HR: variants seen among roughly 807,000 people sequenced by gnomAD.
HR encodes the protein lysine-specific demethylase hairless.
A neutral mutation model predicts 128.6 loss-of-function variants in HR; 83 were observed. The observed-to-expected ratio is 0.65, with a 90% CI of 0.54 to 0.77. The LOEUF (loss-of-function observed/expected upper bound fraction) is 0.77. Ranked by LOEUF, HR falls within the 30% of genes least tolerant of loss-of-function variation. The pLI is 0.00. For missense variants in HR, 1,490 were observed against 1,574.6 expected (o/e 0.95, Z 0.91); for synonymous variants, 681 against 658.2 (o/e 1.03, Z -0.53).
Position 22,127,830 on chromosome 8 carries a change from C to A in HR, c.613-1G>T. The A allele has an allele frequency of 3.1e-6, 5 of 1,598,530 alleles. No homozygotes were observed. The highest frequency in any genetic ancestry group is 4.2e-6 in the Non-Finnish European group (5 of 1,179,952). ...TGCTCGGATCCTTGTAGTAAAAGCC[C>A]TAAAGAGGGGAGAAAGTGTTACGCT... On this transcript the variant is annotated splice_acceptor_variant, in intron 2 of 18. Transcript: ENST00000381418. LOFTEE classifies it high-confidence loss of function.
Position 22,121,674 on chromosome 8 carries a change from C to T in HR, c.2142G>A (p.Thr714=), listed in dbSNP as rs561991469. 16 of 1,614,112 alleles carry T rather than the reference C, an allele frequency of 9.9e-6. No homozygotes were observed. The highest frequency in any genetic ancestry group is 6.7e-5 in the African/African-American group (5 of 75,018). Residue 714 remains threonine (T), a synonymous_variant, in exon 9 of 19, where the codon ACG becomes ACA. Transcript: ENST00000381418. ...AGQQKESTQK[T]PPTPQPSCNG... is the part of the protein sequence containing the mutation. ...TGCAGGAAGGTTGTGGAGTTGGGGG[C>T]GTTTTCTGTGTTGATTCCTTCTGTT...
rs1242219642 is a variant in HR, at chr8:22,115,720, T to C, written c.3550A>G (p.Thr1184Ala). Residue 1184 changes from threonine to alanine, a missense_variant, in exon 19 of 19, where the codon ACA becomes GCA. By Grantham distance (58) the Thr-to-Ala change is moderately conservative. Coordinates refer to ENST00000381418, the MANE Select transcript of HR (RefSeq NM_005144.5). ...TCCCTCTATTTGGCCTCCTGTAATG[T>C]CCCCACGGCCACCTTCACTGCTTGG... ...VFQAVKVAVG[T>A]LQEAK 6.2e-7 allele frequency: 1 copy of C among 1,613,778 alleles called. No individual in the cohort carries two copies. The highest frequency in any genetic ancestry group is 8.5e-7 in the Non-Finnish European group (1 of 1,179,962).
rs980738121 is a variant in HR at position 22,130,820 on chromosome 8, C to G, written c.-433G>C. ...GCCGGGGGGAACACGCGCCCCGGGT[C>G]GGAGATGGCCGAGTTGGGGGAAAGG... On this transcript the variant is annotated 5_prime_UTR_variant, in exon 1 of 19. Transcript: ENST00000381418. 6.6e-6 allele frequency: 1 copy of G among 151,850 alleles called. No homozygotes were observed. Among genetic ancestry groups the G allele is most frequent in the Non-Finnish European group, 1.5e-5 (1 of 67,976 alleles). 9.4% of individuals were successfully genotyped at this position (151,850 alleles called of 1,614,324 possible).
intron 6 of HR, 32 bp downstream of exon 6, chr8:22,123,617 T>TGGGCCCCCCCCC: frequency 3.4e-6 from 1 of 292,092 alleles, no homozygotes; most frequent in Non-Finnish European, 6.2e-6. Context: ...GAGGGCTCCA[T>TGGGCCCCCCCCC]CCCGCCCTCC....
intron 3 of HR, among the ~76,000 whole-genome samples, chr8:22,126,002 C>G (rs928537393): frequency 6.6e-6 from 1 of 152,186 alleles, no homozygotes; most frequent in Non-Finnish European, 1.5e-5. Context: ...CTTTGGGCAG[C>G]TGGGGCGATC....
At position 22,115,618 on chromosome 8, in the gene HR, C is replaced by G; in HGVS notation, c.*82G>C. ...GACCAGAAATCCCCAAGTCCCCTAG[C>G]GCCATCCCCTGCTGAAGTTGTGCCT... On this transcript the variant is annotated 3_prime_UTR_variant, in exon 19 of 19. Coordinates refer to ENST00000381418, the MANE Select transcript of HR (RefSeq NM_005144.5). 8.2e-7 allele frequency: 1 copy of G among 1,226,804 alleles called. No individual in the cohort carries two copies. The allele number at this position is 1,226,804 out of a possible 1,614,324, so 76.0% of individuals were successfully genotyped here.
intron 5 of HR, among the ~76,000 whole-genome samples, chr8:22,124,221 TC>T (rs1258783697): frequency 6.6e-6 from 1 of 152,188 alleles, no homozygotes; most frequent in African/African-American, 2.4e-5. Flanking sequence ...TGCCATTTCC[TC>T]CAGGAGACTT....
rs1216407556 is a variant in HR, at chr8:22,117,005, C to T, written c.3248G>A (p.Gly1083Asp). The change falls in exon 17 of 19, where the codon GGC becomes GAC. Residue 1083 changes from glycine to aspartate, a missense_variant. Gly to Asp is a moderately conservative substitution (Grantham distance 94). Around this residue, in one of 3 missense-constraint regions of HR, gnomAD observed 423 missense variants for 495.9 expected, o/e 0.85. Transcript: ENST00000381418. ...ATCCAGGTAGCAGCTGCCTGGGGCG[C>T]CAGGCTCCAGGGCGCCTGCCCCGGC... The part of the protein sequence containing the change: ...CPAGAGALEP[G>D]APGSCYLDAG... 5.2e-6 allele frequency: 8 copies of T among 1,524,170 alleles called. No individual in the cohort carries two copies. The highest frequency in any genetic ancestry group is 5.3e-6 in the Non-Finnish European group (6 of 1,139,258). The allele number at this position is 1,524,170 out of a possible 1,614,324, so 94.4% of individuals were successfully genotyped here. A position where few individuals can be genotyped will look rare whatever the true frequency, so the allele number is the denominator to read the frequency against.
At chr8:22,124,200 C>A (rs188514367) in intron 5 of HR, among the ~76,000 whole-genome samples, 58 of 152,344 alleles carry the variant, frequency 3.8e-4, no homozygotes, top group Non-Finnish European at 7.3e-4. Flanking sequence ...GAAGTGGTAA[C>A]CATGCTCAGG....
rs751139589 is a variant in HR at position 22,128,637 on chromosome 8, G to C, written c.534C>G (p.Asp178Glu). 3 of 1,598,550 alleles carry C rather than the reference G, an allele frequency of 1.9e-6. No individual in the cohort carries two copies. The highest frequency in any genetic ancestry group is 4.5e-5 in the East Asian group (2 of 44,440). Reference sequence around the variant, plus strand: ...CCCAGGGGTGCGGGGTCAGGGGCCAGTCACATGGATGCTCTGGGGGCAGGC... The same window carrying C: ...CCCAGGGGTGCGGGGTCAGGGGCCACTCACATGGATGCTCTGGGGGCAGGC... ...VSGLPPEHPC[D>E]WPLTPHPWVY... Residue 178 changes from aspartate to glutamate, a missense_variant, in exon 2 of 19, where the codon GAC (aspartate) becomes GAG (glutamate). Physicochemically the swap from Asp to Glu is conservative, Grantham distance 45 (BLOSUM62 2). This residue lies in a region of HR where 1,060 missense variants were observed against 1,060.9 expected (regional missense o/e 1.00). Transcript: ENST00000381418.
Position 22,116,183 on chromosome 8 carries a change from A to G in HR, c.3507+117T>C. On this transcript the variant is annotated intron_variant, in intron 18 of 18. Transcript: ENST00000381418. This position sits in a 1 kb window ranked among gnomAD's most constrained non-coding sequence, Gnocchi z 4.2. ...AACAAAAGGAATACTCTGCCCCTGC[A>G]CAGGGTGGCTGCCTGCTTGGCACAG... The G allele has an allele frequency of 7.0e-7, 1 of 1,424,686 alleles. No homozygotes were observed. Among genetic ancestry groups the G allele is most frequent in the Non-Finnish European group, 9.8e-7 (1 of 1,017,258 alleles). 88.3% of individuals were successfully genotyped at this position (1,424,686 alleles called of 1,614,324 possible).
At chr8:22,126,821 A>C (rs1019699992) in intron 3 of HR, among the ~76,000 whole-genome samples, 1 of 152,108 alleles carries the variant, frequency 6.6e-6, no homozygotes, top group African/African-American at 2.4e-5. Flanking sequence ...CCACCAACAC[A>C]CCAGGGCTTG....
Position 22,127,338 on chromosome 8 carries a change from G to A in HR, c.1104C>T (p.Pro368=). ...PSEEVNKASG[P]RACPPSHHTK... is the part of the protein sequence containing the mutation. ...TGTGGTGGCTGGGGGGACAGGCCCT[G>A]GGGCCAGAGGCCTTGTTCACTTCCT... The change falls in exon 3 of 19, where the codon CCC becomes CCT. Residue 368 remains proline (P), a synonymous_variant. Coordinates refer to ENST00000381418, the MANE Select transcript of HR (RefSeq NM_005144.5). 6.2e-7 allele frequency: 1 copy of A among 1,613,370 alleles called. No homozygotes were observed. The highest frequency in any genetic ancestry group is 8.5e-7 in the Non-Finnish European group (1 of 1,180,044).
Position 22,129,201 on chromosome 8 carries a change from AG to A in HR, c.-32del, listed in dbSNP as rs747745245. ...TCCTGCCCTCATGGGGCTCTCCCAG[AG>A]GGGGGTCCCTGGAGCATAACCATCA... On this transcript the variant is annotated 5_prime_UTR_variant, in exon 2 of 19. Coordinates refer to ENST00000381418, the MANE Select transcript of HR (RefSeq NM_005144.5). The A allele has an allele frequency of 2.5e-5, 38 of 1,517,310 alleles. No individual in the cohort carries two copies. The South Asian group carries it at 4.1e-4, about 17-fold the overall frequency. The allele number at this position is 1,517,310 out of a possible 1,614,324, so 94.0% of individuals were successfully genotyped here. A position where few individuals can be genotyped will look rare whatever the true frequency, so the allele number is the denominator to read the frequency against.
Position 22,120,363 on chromosome 8 carries a change from C to A in HR, c.2755G>T (p.Glu919Ter). 6.2e-7 allele frequency: 1 copy of A among 1,613,876 alleles called. No homozygotes were observed. The highest frequency in any genetic ancestry group is 8.5e-7 in the Non-Finnish European group (1 of 1,180,018). ...TTACGCTCAGGCCAGGAGAAGCCCT[C>A]CCAGAATGTTGTGCTGCCCAGGCTG... ...PSSLGSTTFWEGFSWPELRPK... is the reference protein window; with the variant it reads ...PSSLGSTTFW Residue 919 changes from glutamate to a stop codon, truncating the protein, a stop_gained, in exon 12 of 19, where the codon GAG (glutamate) becomes TAG (stop). Transcript: ENST00000381418. LOFTEE classifies it high-confidence loss of function.
rs770038127 is a variant in HR, at chr8:22,125,316, C to T, written c.1745G>A (p.Arg582Gln). 13 of 1,573,182 alleles carry T rather than the reference C, an allele frequency of 8.3e-6. No individual in the cohort carries two copies. The highest frequency in any genetic ancestry group is 1.1e-5 in the Non-Finnish European group (13 of 1,159,974). The change falls in exon 5 of 19, where the codon CGG becomes CAG. Residue 582 changes from arginine to glutamine, a missense_variant. Arg to Gln is a conservative substitution (Grantham distance 43). Around this residue, in one of 3 missense-constraint regions of HR, gnomAD observed 1,060 missense variants for 1,060.9 expected, o/e 1.00. Transcript: ENST00000381418. ...REREALAWAQ[R>Q]EGQGPAVTED... ...ACCCAGGAGGTCCTGTTCACCTTCC[C>T]GCTGGGCCCAAGCCAGGGCCTCCCG...
At chr8:22,121,840 A>G (rs112711228) in intron 8 of HR, 146 bp from the exon 9 acceptor site, 7 of 812,818 alleles carry the variant, frequency 8.6e-6, no homozygotes, top group African/African-American at 5.1e-5. Flanking sequence ...AGGATATAAC[A>G]TTAGGTGGAA....
In HR at chr8:22,120,443, C is replaced by G; in HGVS notation, c.2675G>C (p.Gly892Ala). 6.2e-7 allele frequency: 1 copy of G among 1,614,042 alleles called. No homozygotes were observed. The highest frequency in any genetic ancestry group is 2.2e-5 in the East Asian group (1 of 44,878). Residue 892 changes from glycine to alanine, a missense_variant, in exon 12 of 19, where the codon GGG becomes GCG. Around this residue, in one of 3 missense-constraint regions of HR, gnomAD observed 423 missense variants for 495.9 expected, o/e 0.85. Coordinates refer to ENST00000381418, the MANE Select transcript of HR (RefSeq NM_005144.5). ...QGNLWGTEALGALGGQVQALS... is the reference protein window; with the variant it reads ...QGNLWGTEALAALGGQVQALS... ...CGCCTGCACCTGGCCTCCAAGTGCC[C>G]CAAGAGCTTCTGTCCCCCACAGGTT... is the stretch of plus-strand genomic sequence containing the variant.
Position 22,121,709 on chromosome 8 carries a change from C to A in HR, c.2122-15G>T. On this transcript the variant is annotated splice_polypyrimidine_tract_variant and intron_variant, in intron 8 of 18. Coordinates refer to ENST00000381418, the MANE Select transcript of HR (RefSeq NM_005144.5). ...GTTGATTCCTTCTGTTAAACCCATC[C>A]ACCACCCCCCCAATCCAACCAGAGA... is the stretch of plus-strand genomic sequence containing the variant. 6.2e-7 allele frequency: 1 copy of A among 1,612,432 alleles called. No homozygotes were observed. Among genetic ancestry groups the A allele is most frequent in the Non-Finnish European group, 8.5e-7 (1 of 1,178,478 alleles).
Sources: gnomAD v4.1 joint callset for allele counts (sites outside exome capture counted in the v4.1 genomes callset) on GRCh38, gnomAD v4.1.1 for gene constraint, gnomAD v4.1.1 regional missense constraint, Gnocchi (gnomAD v3.1) non-coding constraint, MANE v1.5 for transcripts, NCBI Gene and HGNC (gene_info 2026-07-23, HGNC 2026-07-21) for gene names.